The following TLK2 variants were observed in gnomAD, a reference collection of about 807,000 sequenced individuals.
The protein encoded by TLK2 is tousled like kinase 2.
A neutral mutation model predicts 117.3 loss-of-function variants in TLK2; 6 were observed. That is an observed-to-expected ratio of 0.05 (90% CI 0.03 to 0.10). The LOEUF (loss-of-function observed/expected upper bound fraction) is 0.10. TLK2 is among the 10% of genes least tolerant of loss of function. TLK2 has a pLI of 1.00. For missense variants in TLK2, 299 were observed against 901.2 expected (o/e 0.33, Z 8.56); for synonymous variants, 257 against 316.7 (o/e 0.81, Z 2.00).
At chr17:62,576,673 T>C in intron 12 of TLK2, 36 bp from the exon 13 acceptor site, 1 of 1,503,714 alleles carries the variant, frequency 6.7e-7, no homozygotes, top group South Asian at 1.1e-5. Context: ...CTATGATTTC[T>C]AGTAGTTTAC....
intron 2 of TLK2, among the ~76,000 whole-genome samples, chr17:62,513,178 C>T (rs1253201388): frequency 3.3e-5 from 5 of 151,806 alleles, no homozygotes; most frequent in Admixed American, 2.6e-4. Flanking sequence ...CCACACCCGG[C>T]CGAGTTAATA....
chr17:62,590,977 C>T (rs1289557261), intron 16 of TLK2, among the ~76,000 whole-genome samples: 1 of 152,108 alleles, frequency 6.6e-6, no homozygotes. Context: ...CTGGGCAGGG[C>T]GTAGTGGTCC....
chr17:62,565,222 C>A, intron 11 of TLK2, 85 bp downstream of exon 11: 1 of 1,485,388 alleles, frequency 6.7e-7, no homozygotes, highest in Non-Finnish European at 9.0e-7. Context: ...CATTAATAAT[C>A]CTACTATTGG....
At chr17:62,576,285 A>G (rs567611315) in intron 12 of TLK2, among the ~76,000 whole-genome samples, 1 of 152,316 alleles carries the variant, frequency 6.6e-6, no homozygotes, top group African/African-American at 2.4e-5. Flanking sequence ...TTGCTGCTAT[A>G]TCTTTCTCTT....
chr17:62,541,701 T>C (rs2077546550), intron 7 of TLK2, among the ~76,000 whole-genome samples: 1 of 152,118 alleles, frequency 6.6e-6, no homozygotes. Context: ...TATAGCATAC[T>C]ATAGCCTTGG....
intron 2 of TLK2, among the ~76,000 whole-genome samples, chr17:62,486,004 T>G (rs2072320847): frequency 6.6e-6 from 1 of 151,912 alleles, no homozygotes; most frequent in Non-Finnish European, 1.5e-5. Flanking sequence ...GTATTTTTAG[T>G]AGAGACGGGG....
At chr17:62,532,837 C>T (rs2076837112) in intron 6 of TLK2, among the ~76,000 whole-genome samples, 1 of 152,074 alleles carries the variant, frequency 6.6e-6, no homozygotes, top group Non-Finnish European at 1.5e-5. Flanking sequence ...CTAGATAAAT[C>T]CCCTAATAGT....
chr17:62,536,431 C>T (rs1598432705), intron 7 of TLK2, 94 bp downstream of exon 7: 1 of 1,341,874 alleles, frequency 7.5e-7, no homozygotes, highest in East Asian at 2.6e-5. Flanking sequence ...GAGATAGGGA[C>T]ATTTCTAATA....
upstream of TLK2, among the ~76,000 whole-genome samples, chr17:62,474,750 C>A (rs950048677): frequency 2.0e-5 from 3 of 152,022 alleles, no homozygotes; most frequent in Non-Finnish European, 4.4e-5. Flanking sequence ...TGGTCTCCAA[C>A]TCCTGGGGTC....
intron 16 of TLK2, among the ~76,000 whole-genome samples, chr17:62,592,124 T>C (rs532449899): frequency 3.7e-4 from 57 of 152,122 alleles, no homozygotes; most frequent in South Asian, 2.3e-3. Context: ...CGGCTAATTT[T>C]GTATTTTTTT....
chr17:62,572,689 A>G (rs368658214), intron 11 of TLK2, among the ~76,000 whole-genome samples: 5 of 152,362 alleles, frequency 3.3e-5, no homozygotes, highest in South Asian at 4.1e-4. Flanking sequence ...GTTGACGTGT[A>G]GAGTAGTAAT....
chr17:62,578,345 A>C (rs2080968772), intron 13 of TLK2, 132 bp from the exon 14 acceptor site: 1 of 701,568 alleles, frequency 1.4e-6, no homozygotes, highest in African/African-American at 1.8e-5. Flanking sequence ...AAAATTCTTA[A>C]AGAAATCTTT....
At chr17:62,540,226 C>T (rs974099080) in intron 7 of TLK2, among the ~76,000 whole-genome samples, 1 of 150,380 alleles carries the variant, frequency 6.6e-6, no homozygotes, top group African/African-American at 2.4e-5. Context: ...GTGTGGGCCA[C>T]CGTGCCTGAC....
At chr17:62,505,142 G>C (rs2074562306) in intron 2 of TLK2, among the ~76,000 whole-genome samples, 1 of 151,982 alleles carries the variant, frequency 6.6e-6, no homozygotes, top group Non-Finnish European at 1.5e-5. Context: ...GCCTGGCCGT[G>C]ATTTTATTTT....
chr17:62,598,522 T>G (rs1241431986), intron 17 of TLK2, among the ~76,000 whole-genome samples: 3 of 151,988 alleles, frequency 2.0e-5, no homozygotes, highest in African/African-American at 4.8e-5. Flanking sequence ...TTGTTTTGGT[T>G]GTTTTCCTTT....
intron 1 of TLK2, among the ~76,000 whole-genome samples, chr17:62,471,886 G>GTAT (rs1179717599): frequency 2.3e-4 from 9 of 38,996 alleles, no homozygotes; most frequent in Admixed American, 4.1e-4. Context: ...AGGTAGTATA[G>GTAT]TCTTTTTTTT....
At chr17:62,586,088 T>C in intron 15 of TLK2, 47 bp from the exon 16 acceptor site, 1 of 1,439,480 alleles carries the variant, frequency 6.9e-7, no homozygotes, top group East Asian at 2.3e-5. Context: ...CAGTTACCTG[T>C]AATTTTTCTT....
chr17:62,475,784 C>T (rs139693158), upstream of TLK2, among the ~76,000 whole-genome samples: 342 of 151,516 alleles, frequency 2.3e-3, 14 homozygotes, highest in East Asian at 0.057. Context: ...CTTAGCCTCC[C>T]GAGTAGCTGG....
At chr17:62,606,836 A>G (rs1314321987) in intron 20 of TLK2, among the ~76,000 whole-genome samples, 1 of 152,032 alleles carries the variant, frequency 6.6e-6, no homozygotes, top group Non-Finnish European at 1.5e-5. Flanking sequence ...CCATTTGTGT[A>G]TTTATGTTCC....
Sources: allele counts gnomAD v4.1 joint callset (sites outside exome capture counted in the v4.1 genomes callset), GRCh38; gene constraint gnomAD v4.1.1; transcripts MANE v1.5; gene names NCBI Gene and HGNC (gene_info 2026-07-23, HGNC 2026-07-21).